The following SH3RF3 variants were observed in gnomAD, a reference collection of about 807,000 sequenced individuals.
The protein encoded by SH3RF3 is E3 ubiquitin-protein ligase SH3RF3.
Under a neutral mutation model 66.3 loss-of-function variants are expected in SH3RF3, and 29 were observed. The ratio of observed to expected loss-of-function variants is 0.44; its 90% confidence interval spans 0.33 to 0.60. SH3RF3 has a LOEUF of 0.60. Among genes scored for constraint, SH3RF3 ranks in the 20% least tolerant of loss-of-function variants. SH3RF3 has a pLI of 0.04. For missense variants in SH3RF3, 1,194 were observed against 1,190.9 expected (o/e 1.00, Z -0.04); for synonymous variants, 583 against 532.0 (o/e 1.10, Z -1.32).
intron 1 of SH3RF3, among the ~76,000 whole-genome samples, chr2:109,201,151 G>A (rs924351210): frequency 2.0e-5 from 3 of 152,204 alleles, no homozygotes; most frequent in Non-Finnish European, 2.9e-5. Flanking sequence ...GGCTTCACAC[G>A]TCTTCCTTCC....
intron 5 of SH3RF3, among the ~76,000 whole-genome samples, chr2:109,426,935 G>C (rs985883914): frequency 6.6e-6 from 1 of 151,556 alleles, no homozygotes; most frequent in African/African-American, 2.4e-5. Flanking sequence ...TGAAGGCTCA[G>C]ATGATCATTA....
At chr2:109,297,382 G>GC (rs908671541) in intron 1 of SH3RF3, among the ~76,000 whole-genome samples, 4 of 152,066 alleles carry the variant, frequency 2.6e-5, no homozygotes, top group Non-Finnish European at 5.9e-5. Flanking sequence ...GAGAGATTCT[G>GC]CCCCCCAGGG....
chr2:109,279,808 C>T (rs1255417604), intron 1 of SH3RF3, among the ~76,000 whole-genome samples: 1 of 152,042 alleles, frequency 6.6e-6, no homozygotes, highest in African/African-American at 2.4e-5. Context: ...AGAAGAGGTC[C>T]GGGAGGATCT....
chr2:109,358,984 AT>A (rs1018396262), intron 2 of SH3RF3, among the ~76,000 whole-genome samples: 3 of 151,828 alleles, frequency 2.0e-5, no homozygotes, highest in African/African-American at 7.3e-5. Context: ...TTATTTCTAG[AT>A]TTTTTGCATG....
At chr2:109,335,761 G>A (rs547528739) in intron 1 of SH3RF3, among the ~76,000 whole-genome samples, 26 of 152,318 alleles carry the variant, frequency 1.7e-4, no homozygotes, top group African/African-American at 6.0e-4. Context: ...CACTCATTCC[G>A]ATTTGCTGAC....
chr2:109,489,126 C>T (rs1444176623), intron 8 of SH3RF3, among the ~76,000 whole-genome samples: 5 of 152,252 alleles, frequency 3.3e-5, no homozygotes, highest in East Asian at 1.9e-4. Flanking sequence ...CACACTTGCC[C>T]AGGGCACACC....
At chr2:109,231,338 T>TA (rs1283452996) in intron 1 of SH3RF3, among the ~76,000 whole-genome samples, 1 of 152,216 alleles carries the variant, frequency 6.6e-6, no homozygotes, top group East Asian at 1.9e-4. Flanking sequence ...TGTGTTACAA[T>TA]AAAAAATAAC....
intron 4 of SH3RF3, among the ~76,000 whole-genome samples, chr2:109,406,584 TA>T (rs1260799599): frequency 5.9e-5 from 9 of 152,166 alleles, no homozygotes; most frequent in Admixed American, 2.0e-4. Flanking sequence ...CTTGTTTTGG[TA>T]AATGAAAGCT....
chr2:109,488,804 A>G (rs1679049375), intron 8 of SH3RF3, among the ~76,000 whole-genome samples: 1 of 152,202 alleles, frequency 6.6e-6, no homozygotes, highest in Non-Finnish European at 1.5e-5. Flanking sequence ...TATTGCTCAC[A>G]ACCTCCAGGG....
intron 9 of SH3RF3, among the ~76,000 whole-genome samples, chr2:109,494,506 G>A (rs1242511183): frequency 6.6e-6 from 1 of 152,226 alleles, no homozygotes; most frequent in East Asian, 1.9e-4. Context: ...GACAGCACCA[G>A]AGAGCACTTG....
intron 1 of SH3RF3, among the ~76,000 whole-genome samples, chr2:109,337,847 C>CTGGGA (rs1266455772): frequency 6.6e-6 from 1 of 152,022 alleles, no homozygotes; most frequent in African/African-American, 2.4e-5. Context: ...CCCACCTCAG[C>CTGGGA]CTCCCGAGTA....
At chr2:109,342,169 G>T (rs1559033012) in intron 1 of SH3RF3, among the ~76,000 whole-genome samples, 1 of 152,202 alleles carries the variant, frequency 6.6e-6, no homozygotes. Context: ...GCCCCTGGCT[G>T]GAATGCCCCA....
intron 4 of SH3RF3, among the ~76,000 whole-genome samples, chr2:109,406,855 AAT>A: frequency 6.6e-6 from 1 of 151,952 alleles, no homozygotes; most frequent in Non-Finnish European, 1.5e-5. Flanking sequence ...GGTCGAAGCC[AAT>A]CTTACAGCCC....
At chr2:109,173,186 G>C (rs1003775581) in intron 1 of SH3RF3, among the ~76,000 whole-genome samples, 2 of 151,898 alleles carry the variant, frequency 1.3e-5, no homozygotes, top group Non-Finnish European at 2.9e-5. Context: ...CATGGAAATC[G>C]AACACAGACT....
At chr2:109,203,813 G>C (rs531959176) in intron 1 of SH3RF3, among the ~76,000 whole-genome samples, 2 of 115,232 alleles carry the variant, frequency 1.7e-5, no homozygotes, top group African/African-American at 7.5e-5. Flanking sequence ...TGCACGCCTC[G>C]ACTCTGAAGC....
At chr2:109,130,378 G>T (rs1355854735) in intron 1 of SH3RF3, among the ~76,000 whole-genome samples, 1 of 152,200 alleles carries the variant, frequency 6.6e-6, no homozygotes, top group Non-Finnish European at 1.5e-5. Context: ...TCCTTGGCCG[G>T]ACTTGTTACC....
At chr2:109,486,129 C>T (rs1476344083) in intron 8 of SH3RF3, among the ~76,000 whole-genome samples, 1 of 152,248 alleles carries the variant, frequency 6.6e-6, no homozygotes, top group East Asian at 1.9e-4. Flanking sequence ...TCCCAAGGAG[C>T]TGACCCCTTC....
Position 109,383,460 on chromosome 2 carries a change from G to A in SH3RF3, c.945+11779G>A, listed in dbSNP as rs191621237. Among the ~76,000 whole-genome samples the A allele has an allele frequency of 3.3e-4, 50 of 152,350 alleles. 1 individual carries two copies. The East Asian group carries it at 9.7e-3, about 29-fold the overall frequency. ...TGACCAAGGTTGACACTCTGGGCCA[G>A]TTGGAATCATTCTTCTCTTGTCTTC... On this transcript the variant is annotated intron_variant, in intron 3 of 9. Coordinates refer to ENST00000309415, the MANE Select transcript of SH3RF3 (RefSeq NM_001099289.3).
intron 3 of SH3RF3, among the ~76,000 whole-genome samples, chr2:109,391,610 G>C (rs1254507878): frequency 6.6e-6 from 1 of 152,218 alleles, no homozygotes; most frequent in Non-Finnish European, 1.5e-5. Flanking sequence ...CGGGCAGGGA[G>C]CATCAGTCCA....
Sources: allele counts gnomAD v4.1 joint callset (sites outside exome capture counted in the v4.1 genomes callset), GRCh38; gene constraint gnomAD v4.1.1; transcripts MANE v1.5; gene names NCBI Gene and HGNC (gene_info 2026-07-23, HGNC 2026-07-21).